The following FLT1 variants were observed in gnomAD, a reference collection of about 807,000 sequenced individuals.
FLT1 encodes the protein fms related receptor tyrosine kinase 1.
A neutral mutation model predicts 156.3 loss-of-function variants in FLT1; 49 were observed. The ratio of observed to expected loss-of-function variants is 0.31; its 90% CI spans 0.25 to 0.40. The LOEUF is 0.40. Among genes scored for constraint, FLT1 ranks in the 10% least tolerant of loss-of-function variants. The probability of loss-of-function intolerance (pLI) is 1.00; values close to 1 mark genes in which losing one functional copy is unlikely to be tolerated. For synonymous variants in FLT1, 594 were observed against 583.8 expected, an observed-to-expected ratio of 1.02 and a Z score of -0.25; for missense variants, 1,322 against 1,637.2, an observed-to-expected ratio of 0.81 and a Z score of 3.32.
chr13:28,335,749 C>T (rs1872094681), intron 17 of FLT1, among the ~76,000 whole-genome samples: 1 of 152,314 alleles, frequency 6.6e-6, no homozygotes, highest in Non-Finnish European at 1.5e-5. Context: ...TACTAAATGA[C>T]ATTCCTCCCA....
At chr13:28,472,448 TCTCAATG>T (rs1880230480) in intron 1 of FLT1, among the ~76,000 whole-genome samples, 1 of 152,206 alleles carries the variant, frequency 6.6e-6, no homozygotes, top group Non-Finnish European at 1.5e-5. Context: ...AACTCAAGAC[TCTCAATG>T]TAAAGTCTGT....
intron 3 of FLT1, among the ~76,000 whole-genome samples, chr13:28,443,152 A>C (rs1339347298): frequency 6.6e-6 from 1 of 152,230 alleles, no homozygotes; most frequent in African/African-American, 2.4e-5. Flanking sequence ...TAGAGCTCAA[A>C]GCAGTGACAG....
intron 3 of FLT1, among the ~76,000 whole-genome samples, chr13:28,443,447 A>G (rs187235721): frequency 6.6e-6 from 1 of 152,334 alleles, no homozygotes; most frequent in East Asian, 1.9e-4. Flanking sequence ...GAGCAAGTAA[A>G]CAATGTTCAA....
At chr13:28,368,250 T>G (rs1353559039) in intron 14 of FLT1, 1 of 328,224 alleles carries the variant, frequency 3.0e-6, no homozygotes, top group African/African-American at 2.1e-5. Flanking sequence ...CCTCCTGGGT[T>G]CAAGTGATTC....
At chr13:28,427,499 G>A (rs1877417177) in intron 9 of FLT1, among the ~76,000 whole-genome samples, 181 bp from the exon 10 acceptor site, 1 of 152,026 alleles carries the variant, frequency 6.6e-6, no homozygotes, top group South Asian at 2.1e-4. Flanking sequence ...GTAGTAGCAG[G>A]GTTTTGAGAT....
chr13:28,326,855 TA>T (rs926281899), intron 20 of FLT1, among the ~76,000 whole-genome samples: 2 of 152,216 alleles, frequency 1.3e-5, no homozygotes, highest in African/African-American at 4.8e-5. Flanking sequence ...TGTTTGCCCT[TA>T]GGTCTTGGGT....
chr13:28,427,112 G>A (rs1877389188), intron 10 of FLT1, 47 bp downstream of exon 10: 1 of 1,525,356 alleles, frequency 6.6e-7, no homozygotes. Context: ...TTAATTCCAG[G>A]TGTCAAAAAG....
intron 14 of FLT1, among the ~76,000 whole-genome samples, chr13:28,376,425 TAAATA>T (rs1371357760): frequency 2.0e-5 from 3 of 152,256 alleles, no homozygotes; most frequent in Non-Finnish European, 4.4e-5. Context: ...AAATTTAGCT[TAAATA>T]ATAGTTTGAT....
At chr13:28,407,216 G>A (rs757497535) in intron 10 of FLT1, among the ~76,000 whole-genome samples, 35 of 152,066 alleles carry the variant, frequency 2.3e-4, no homozygotes, top group Admixed American at 1.6e-3. Context: ...CAAGGTACCC[G>A]AAGTTGTTTT....
At chr13:28,437,572 T>C (rs894808770) in intron 4 of FLT1, among the ~76,000 whole-genome samples, 11 of 152,324 alleles carry the variant, frequency 7.2e-5, no homozygotes, top group Middle Eastern at 3.4e-3. Flanking sequence ...TTACTGCTGA[T>C]TAATTAGCTA....
At chr13:28,342,966 C>CTT (rs1872397714) in intron 16 of FLT1, among the ~76,000 whole-genome samples, 3 of 150,190 alleles carry the variant, frequency 2.0e-5, no homozygotes, top group Admixed American at 6.6e-5. Flanking sequence ...CTCTCTCTCT[C>CTT]TCTTTCTTTC....
At chr13:28,427,058 G>T in intron 10 of FLT1, 101 bp downstream of exon 10, 2 of 1,112,280 alleles carry the variant, frequency 1.8e-6, no homozygotes, top group Non-Finnish European at 2.8e-6. Context: ...CAAATATACA[G>T]TACATCCCAC....
intron 6 of FLT1, among the ~76,000 whole-genome samples, 162 bp from the exon 7 acceptor site, chr13:28,431,472 T>C (rs185237436): frequency 6.0e-4 from 91 of 152,346 alleles, no homozygotes; most frequent in Non-Finnish European, 9.8e-4. Flanking sequence ...AAACTACATC[T>C]GTGTCTAGAG....
chr13:28,390,175 T>A, intron 12 of FLT1, 71 bp from the exon 13 acceptor site: 1 of 1,579,254 alleles, frequency 6.3e-7, no homozygotes, highest in Non-Finnish European at 8.6e-7. Flanking sequence ...TTCAAAGATC[T>A]TAAGAATTGT....
chr13:28,488,217 G>C lies in FLT1; in HGVS notation c.64+6563C>G, dbSNP rs895588870. 1.9e-4 allele frequency among the ~76,000 whole-genome samples: 29 copies of C among 152,080 alleles called. 1 individual carries two copies. The highest frequency in any genetic ancestry group is 6.5e-4 in the African/African-American group (27 of 41,396). On this transcript the variant is annotated intron_variant, in intron 1 of 29. Transcript: ENST00000282397. Reference sequence around the variant, plus strand: ...GTTCAAGACCAGCCTGGCCAATATGGCAAAACCCTGTCTCTACAAAAAACA... The same window carrying C: ...GTTCAAGACCAGCCTGGCCAATATGCCAAAACCCTGTCTCTACAAAAAACA...
At chr13:28,375,386 ATTT>A (rs34800184) in intron 14 of FLT1, among the ~76,000 whole-genome samples, 6 of 150,386 alleles carry the variant, frequency 4.0e-5, no homozygotes, top group East Asian at 1.9e-4. Flanking sequence ...AACATTTTCA[ATTT>A]TTTTTTTTTT....
chr13:28,307,083 A>G (rs1037019126), intron 28 of FLT1, among the ~76,000 whole-genome samples: 1 of 152,244 alleles, frequency 6.6e-6, no homozygotes, highest in Non-Finnish European at 1.5e-5. Flanking sequence ...ATTGCAACAA[A>G]GATACTAAAA....
chr13:28,358,236 G>T (rs1872976018), intron 14 of FLT1, among the ~76,000 whole-genome samples: 1 of 152,078 alleles, frequency 6.6e-6, no homozygotes, highest in African/African-American at 2.4e-5. Context: ...GTGACATATG[G>T]GTCAAAGGAA....
intron 3 of FLT1, among the ~76,000 whole-genome samples, chr13:28,452,150 A>G (rs1267386368): frequency 6.6e-6 from 1 of 152,186 alleles, no homozygotes; most frequent in East Asian, 1.9e-4. Flanking sequence ...GCAACCCTGC[A>G]TGCACTCCTG....
Sources: gnomAD v4.1 joint callset for allele counts (sites outside exome capture counted in the v4.1 genomes callset) on GRCh38, gnomAD v4.1.1 for gene constraint, MANE v1.5 for transcripts, NCBI Gene and HGNC (gene_info 2026-07-23, HGNC 2026-07-21) for gene names.